LPAR1: variants seen among roughly 807,000 people sequenced by gnomAD.
LPAR1 encodes lysophosphatidic acid receptor 1.
Under a neutral mutation model 23.8 loss-of-function variants are expected in LPAR1, and 5 were observed. That is an observed-to-expected ratio of 0.21 (90% CI 0.11 to 0.44). LPAR1 has a LOEUF of 0.44. Ranked by LOEUF, LPAR1 falls within the 20% of genes least tolerant of loss-of-function variation. The probability of loss-of-function intolerance (pLI) is 0.99; values close to 1 mark genes in which losing one functional copy is unlikely to be tolerated. For missense variants in LPAR1, 311 were observed against 482.8 expected, an observed-to-expected ratio of 0.64 and a Z score of 3.33; for synonymous variants, 160 against 164.7, an observed-to-expected ratio of 0.97 and a Z score of 0.22.
intron 5 of LPAR1, among the ~76,000 whole-genome samples, chr9:110,905,265 A>T (rs2090820734): frequency 6.6e-6 from 1 of 152,188 alleles, no homozygotes; most frequent in South Asian, 2.1e-4. Context: ...TGTCCTTGAG[A>T]AGTGCTAGGT....
chr9:110,993,723 C>T (rs1310998708), intron 2 of LPAR1, among the ~76,000 whole-genome samples: 5 of 152,176 alleles, frequency 3.3e-5, no homozygotes, highest in Admixed American at 3.3e-4. Context: ...ACATCTTCGT[C>T]TCTTAATACC....
At chr9:110,977,854 A>AGGAG (rs1446203077) in intron 2 of LPAR1, among the ~76,000 whole-genome samples, 185 of 60,316 alleles carry the variant, frequency 3.1e-3, no homozygotes, top group African/African-American at 0.013. Flanking sequence ...GAGGGAAGGA[A>AGGAG]GGAAGGAAGG....
chr9:111,030,893 G>C (rs905088363), intron 2 of LPAR1, among the ~76,000 whole-genome samples: 10 of 151,998 alleles, frequency 6.6e-5, no homozygotes, highest in African/African-American at 2.2e-4. Flanking sequence ...AGAAAATGGA[G>C]GCAGGCACAG....
chr9:110,905,395 G>C (rs1252037704), intron 5 of LPAR1, among the ~76,000 whole-genome samples: 1 of 150,534 alleles, frequency 6.6e-6, no homozygotes, highest in Non-Finnish European at 1.5e-5. Context: ...ACGCAGGCTG[G>C]AGTGCAGTGG....
intron 2 of LPAR1, among the ~76,000 whole-genome samples, chr9:111,019,680 A>T (rs1314451077): frequency 6.6e-6 from 1 of 151,716 alleles, no homozygotes; most frequent in African/African-American, 2.4e-5. Context: ...TACTAAAAAA[A>T]AAAACATACA....
rs140255024 is a variant in LPAR1 at position 110,942,090 on chromosome 9, C to G, written c.124G>C (p.Ala42Pro). 1.9e-6 allele frequency: 3 copies of G among 1,613,922 alleles called. No homozygotes were observed. The African/African-American group carries it at 4.0e-5, about 22-fold the overall frequency. Residue 42 changes from alanine to proline, a missense_variant, in exon 5 of 6, where the codon GCC becomes CCC. By Grantham distance (27) the Ala-to-Pro change is conservative. Coordinates refer to ENST00000683809, the MANE Select transcript of LPAR1 (RefSeq NM_001351411.2). The part of the protein sequence containing the change: ...FFYNRSGKHL[A>P]TEWNTVSKLV... Reference sequence around the variant, plus strand: ...TTGCTGACTGTGTTCCATTCTGTGGCAAGATGCTTTCCACTTCGGTTATAA... The same window carrying G: ...TTGCTGACTGTGTTCCATTCTGTGGGAAGATGCTTTCCACTTCGGTTATAA...
chr9:111,029,063 G>A (rs770764931), intron 2 of LPAR1, among the ~76,000 whole-genome samples: 2 of 152,122 alleles, frequency 1.3e-5, no homozygotes, highest in Admixed American at 6.5e-5. Flanking sequence ...CTTGATAACC[G>A]ATAAAACTAC....
chr9:110,951,102 G>A (rs1454996117), intron 4 of LPAR1, among the ~76,000 whole-genome samples: 1 of 152,094 alleles, frequency 6.6e-6, no homozygotes, highest in Non-Finnish European at 1.5e-5. Flanking sequence ...CCCATCAATT[G>A]AGAAAATGAC....
chr9:110,936,913 G>C (rs947650131), intron 5 of LPAR1, among the ~76,000 whole-genome samples: 1 of 152,188 alleles, frequency 6.6e-6, no homozygotes, highest in Non-Finnish European at 1.5e-5. Flanking sequence ...GGTCAAATAA[G>C]GAAGAACATC....
At chr9:111,024,079 AAATGGGTAAGAAGC>A (rs2097628653) in intron 2 of LPAR1, among the ~76,000 whole-genome samples, 1 of 152,166 alleles carries the variant, frequency 6.6e-6, no homozygotes, top group African/African-American at 2.4e-5. Context: ...ATAGTACAAA[AAATGGGTAAGAAGC>A]ATGTTCTTGG....
chr9:110,915,759 G>T (rs558279391), intron 5 of LPAR1, among the ~76,000 whole-genome samples: 55 of 152,166 alleles, frequency 3.6e-4, no homozygotes, highest in African/African-American at 1.2e-3. Flanking sequence ...GGATATGAAT[G>T]GTTTAAATTC....
At chr9:111,003,698 G>C (rs1379486750) in intron 2 of LPAR1, among the ~76,000 whole-genome samples, 3 of 152,126 alleles carry the variant, frequency 2.0e-5, no homozygotes, top group Admixed American at 2.0e-4. Flanking sequence ...GTGTGGCCAG[G>C]TCAGAAGCTT....
intron 2 of LPAR1, among the ~76,000 whole-genome samples, chr9:111,017,602 A>G (rs1372491574): frequency 6.6e-6 from 1 of 152,230 alleles, no homozygotes; most frequent in Non-Finnish European, 1.5e-5. Flanking sequence ...ATTACCATTT[A>G]GTTTTTAATT....
intron 4 of LPAR1, among the ~76,000 whole-genome samples, chr9:110,970,839 T>C (rs10980666): frequency 6.6e-6 from 1 of 152,286 alleles, no homozygotes; most frequent in East Asian, 1.9e-4. Context: ...TGCTTTTTTC[T>C]TCAAAGTTGC....
At chr9:110,945,435 G>C (rs1204948468) in intron 4 of LPAR1, 1 of 152,134 alleles carries the variant, frequency 6.6e-6, no homozygotes, top group African/African-American at 2.4e-5. Context: ...AAAAAAAGAA[G>C]AGATAGAAAG....
chr9:110,900,585 A>T (rs1415018886), intron 5 of LPAR1, among the ~76,000 whole-genome samples: 1 of 152,196 alleles, frequency 6.6e-6, no homozygotes, highest in African/African-American at 2.4e-5. Context: ...AATTCATCTA[A>T]GGAAGAACCA....
intron 4 of LPAR1, among the ~76,000 whole-genome samples, chr9:110,943,087 CATAATAT>C (rs957890413): frequency 6.1e-5 from 9 of 147,088 alleles, no homozygotes; most frequent in Admixed American, 2.0e-4. Flanking sequence ...ATTTATCTAT[CATAATAT>C]ATAATATATA....
At chr9:110,993,687 A>C (rs571471054) in intron 2 of LPAR1, among the ~76,000 whole-genome samples, 1 of 152,220 alleles carries the variant, frequency 6.6e-6, no homozygotes, top group Non-Finnish European at 1.5e-5. Flanking sequence ...GTGATATCCC[A>C]ATAACAATGA....
intron 2 of LPAR1, among the ~76,000 whole-genome samples, chr9:111,019,726 T>C (rs570765651): frequency 2.6e-5 from 4 of 150,984 alleles, no homozygotes; most frequent in African/African-American, 9.7e-5. Context: ...GCACCTGTAG[T>C]CCCAGCTACT....
Sources: gnomAD v4.1 joint callset for allele counts (sites outside exome capture counted in the v4.1 genomes callset) on GRCh38, gnomAD v4.1.1 for gene constraint, MANE v1.5 for transcripts, NCBI Gene and HGNC (gene_info 2026-07-23, HGNC 2026-07-21) for gene names.